ADAMTS19: variants seen among roughly 807,000 people sequenced by gnomAD.
ADAMTS19 encodes ADAM metallopeptidase with thrombospondin type 1 motif 19, also known as A disintegrin and metalloproteinase with thrombospondin motifs 19.
A neutral mutation model predicts 153.3 loss-of-function variants in ADAMTS19; 93 were observed. The ratio of observed to expected loss-of-function variants is 0.61; its 90% CI spans 0.51 to 0.72. ADAMTS19 has a LOEUF of 0.72. Ranked by LOEUF, ADAMTS19 falls within the 30% of genes least tolerant of loss-of-function variation. ADAMTS19 has a pLI of 0.00. For synonymous variants in ADAMTS19, 600 were observed against 556.6 expected (o/e 1.08, Z -1.10); for missense variants, 1,482 against 1,552.1 (o/e 0.95, Z 0.76).
chr5:129,483,063 C>G (rs1750468922), intron 2 of ADAMTS19, among the ~76,000 whole-genome samples: 1 of 152,086 alleles, frequency 6.6e-6, no homozygotes, highest in Non-Finnish European at 1.5e-5. Flanking sequence ...AGCTTGAATA[C>G]TAATCTTTTA....
intron 2 of ADAMTS19, among the ~76,000 whole-genome samples, chr5:129,475,188 G>C (rs2126658831): frequency 6.6e-6 from 1 of 150,984 alleles, no homozygotes; most frequent in African/African-American, 2.4e-5. Flanking sequence ...ACTTCCTCCT[G>C]TTTTCTTCCA....
rs772601688 is a variant in ADAMTS19 at position 129,622,319 on chromosome 5, C to A, written c.1741C>A (p.Pro581Thr). Residue 581 changes from proline to threonine, a missense_variant, in exon 10 of 23, where the codon CCA (proline) becomes ACA (threonine). Around this residue, in one of 2 missense-constraint regions of ADAMTS19, gnomAD observed 866 missense variants for 827.7 expected, o/e 1.05. Transcript: ENST00000274487. ...TGAACAATGCCAGATCCTTTTTGGGCCATTGGCTTCTTTTTGTCAGGAGAT... is the reference window on the plus strand; with the variant it reads ...TGAACAATGCCAGATCCTTTTTGGGACATTGGCTTCTTTTTGTCAGGAGAT... ...ADEQCQILFG[P>T]LASFCQEMQH... is the part of the protein sequence containing the mutation. 2 of 1,613,808 alleles carry A rather than the reference C, an allele frequency of 1.2e-6. No individual in the cohort carries two copies. Among genetic ancestry groups the A allele is most frequent in the African/African-American group, 2.7e-5 (2 of 74,900 alleles).
At chr5:129,601,131 A>T (rs2126930202) in intron 8 of ADAMTS19, among the ~76,000 whole-genome samples, 1 of 152,276 alleles carries the variant, frequency 6.6e-6, no homozygotes, top group Middle Eastern at 3.4e-3. Flanking sequence ...TCGGTCTCCC[A>T]AAGTGCTTGG....
At position 129,509,126 on chromosome 5, in the gene ADAMTS19, A is replaced by G. The variant is rs908479796; in HGVS notation, c.797A>G (p.Asn266Ser). The G allele has an allele frequency of 1.9e-6, 3 of 1,611,820 alleles. No homozygotes were observed. The highest frequency in any genetic ancestry group is 2.5e-6 in the Non-Finnish European group (3 of 1,178,578). The change falls in exon 3 of 23, where the codon AAT becomes AGT. Residue 266 changes from asparagine to serine, a missense_variant. Asn to Ser is a conservative substitution (Grantham distance 46, BLOSUM62 1). This residue lies in a region of ADAMTS19 where 866 missense variants were observed against 827.7 expected (regional missense o/e 1.05). Transcript: ENST00000274487. ...NEDFIFIEPL[N>S]DTMAITGHPH... ...GACTTCATATTTATTGAGCCACTCA[A>G]TGATACAATGGCCATAACAGGTCAC...
intron 8 of ADAMTS19, among the ~76,000 whole-genome samples, chr5:129,606,529 C>G (rs2126941640): frequency 1.3e-5 from 2 of 152,322 alleles, no homozygotes; most frequent in East Asian, 3.9e-4. Context: ...GTCTCCTTTG[C>G]TACCTCATCT....
At chr5:129,725,153 T>G (rs1440299717) in intron 21 of ADAMTS19, among the ~76,000 whole-genome samples, 4 of 152,144 alleles carry the variant, frequency 2.6e-5, no homozygotes, top group Admixed American at 2.6e-4. Context: ...ATAATTTCTT[T>G]CTAGCTAGTG....
intron 6 of ADAMTS19, among the ~76,000 whole-genome samples, chr5:129,545,070 G>T (rs1752805473): frequency 6.6e-6 from 1 of 151,986 alleles, no homozygotes; most frequent in South Asian, 2.1e-4. Context: ...ATATTCCATT[G>T]TAAGAACCCA....
chr5:129,556,463 G>T (rs927801096), intron 7 of ADAMTS19, among the ~76,000 whole-genome samples: 2 of 152,136 alleles, frequency 1.3e-5, no homozygotes, highest in Admixed American at 6.5e-5. Flanking sequence ...CTTAATTTTT[G>T]TGGTAGGCAG....
chr5:129,560,714 A>T (rs948979679), intron 7 of ADAMTS19, among the ~76,000 whole-genome samples: 2 of 152,210 alleles, frequency 1.3e-5, no homozygotes, highest in African/African-American at 4.8e-5. Context: ...ACTGTACTTT[A>T]TGTATGTATT....
At chr5:129,473,948 G>A (rs1750144097) in intron 2 of ADAMTS19, among the ~76,000 whole-genome samples, 1 of 151,992 alleles carries the variant, frequency 6.6e-6, no homozygotes, top group African/African-American at 2.4e-5. Flanking sequence ...AATTCACCCA[G>A]TTTAAGCATA....
At chr5:129,554,465 A>G (rs1475464460) in intron 7 of ADAMTS19, among the ~76,000 whole-genome samples, 1 of 152,148 alleles carries the variant, frequency 6.6e-6, no homozygotes, top group African/African-American at 2.4e-5. Flanking sequence ...AAGCTGAAAA[A>G]GGTAGAATTT....
chr5:129,628,501 A>C (rs572620540), intron 10 of ADAMTS19, among the ~76,000 whole-genome samples: 10 of 152,080 alleles, frequency 6.6e-5, no homozygotes, highest in Non-Finnish European at 1.5e-4. Flanking sequence ...GTGGAGCAAA[A>C]TGAAGGCTGA....
At chr5:129,650,473 A>G (rs1183624295) in intron 13 of ADAMTS19, among the ~76,000 whole-genome samples, 1 of 152,106 alleles carries the variant, frequency 6.6e-6, no homozygotes, top group Non-Finnish European at 1.5e-5. Context: ...AGATTATTCC[A>G]CTACTAGTGG....
chr5:129,711,865 A>G (rs1756494802), intron 21 of ADAMTS19, among the ~76,000 whole-genome samples: 1 of 152,098 alleles, frequency 6.6e-6, no homozygotes, highest in Non-Finnish European at 1.5e-5. Flanking sequence ...CAAAGAGGAA[A>G]CTAAAGTATT....
At chr5:129,536,948 T>C (rs1031512881) in intron 6 of ADAMTS19, among the ~76,000 whole-genome samples, 1 of 151,556 alleles carries the variant, frequency 6.6e-6, no homozygotes, top group Non-Finnish European at 1.5e-5. Context: ...TTAGGAGATA[T>C]ACCTAATGCT....
In ADAMTS19 at chr5:129,642,587, C is replaced by T. The variant is rs142973515; in HGVS notation, c.1872+627C>T. Among the ~76,000 whole-genome samples, 342 of 152,160 alleles carry T rather than the reference C, an allele frequency of 2.2e-3. 1 individual carries two copies. The highest frequency in any genetic ancestry group is 7.9e-3 in the African/African-American group (328 of 41,540). Reference sequence around the variant, plus strand: ...ATTTAATAATTATGGTTAACATAATCAAAAGATAACAGATCAATAGTTTAC... The same window carrying T: ...ATTTAATAATTATGGTTAACATAATTAAAAGATAACAGATCAATAGTTTAC... On this transcript the variant is annotated intron_variant, in intron 11 of 22. Coordinates refer to ENST00000274487, the MANE Select transcript of ADAMTS19 (RefSeq NM_133638.6).
At chr5:129,732,335 G>A (rs1757474586) in intron 21 of ADAMTS19, among the ~76,000 whole-genome samples, 1 of 151,980 alleles carries the variant, frequency 6.6e-6, no homozygotes, top group African/African-American at 2.4e-5. Flanking sequence ...GAGCAATCAG[G>A]CAAGAGAAAG....
intron 7 of ADAMTS19, among the ~76,000 whole-genome samples, chr5:129,565,716 CTTTT>C (rs1753681699): frequency 1.3e-5 from 2 of 152,010 alleles, no homozygotes; most frequent in Non-Finnish European, 2.9e-5. Context: ...AACATTTTAT[CTTTT>C]TCTATCATAG....
At chr5:129,713,758 TAAAAA>T (rs370266801) in intron 21 of ADAMTS19, among the ~76,000 whole-genome samples, 1 of 128,364 alleles carries the variant, frequency 7.8e-6, no homozygotes, top group Non-Finnish European at 1.7e-5. Flanking sequence ...AGACTCTATC[TAAAAA>T]AAAAAAAAAA....
Sources: gnomAD v4.1 joint callset for allele counts (sites outside exome capture counted in the v4.1 genomes callset) on GRCh38, gnomAD v4.1.1 for gene constraint, gnomAD v4.1.1 regional missense constraint, MANE v1.5 for transcripts, NCBI Gene and HGNC (gene_info 2026-07-23, HGNC 2026-07-21) for gene names.